Variants in EVC2 observed in about 807,000 individuals in gnomAD.
EVC2 encodes the protein EvC ciliary complex subunit 2.
EVC2 carries 148 observed loss-of-function variants against 149.3 expected under a neutral mutation model. The ratio of observed to expected loss-of-function variants is 0.99; its 90% CI spans 0.87 to 1.14. The LOEUF is 1.14. EVC2 is among the 50% of genes most tolerant of loss of function. The pLI, the probability that EVC2 is intolerant of heterozygous loss-of-function variation, is 0.00. For synonymous variants in EVC2, 776 were observed against 649.9 expected, an observed-to-expected ratio of 1.19 and a Z score of -2.95; for missense variants, 1,854 against 1,627.3, an observed-to-expected ratio of 1.14 and a Z score of -2.40.
intron 12 of EVC2, among the ~76,000 whole-genome samples, chr4:5,627,231 G>A (rs977245035): frequency 1.3e-5 from 2 of 152,136 alleles, no homozygotes; most frequent in Admixed American, 1.3e-4. Flanking sequence ...ACAGGTGAAG[G>A]AATCAGTAGT....
intron 9 of EVC2, among the ~76,000 whole-genome samples, chr4:5,641,807 T>C (rs558226329): frequency 1.4e-4 from 22 of 152,244 alleles, no homozygotes; most frequent in Non-Finnish European, 2.9e-4. Flanking sequence ...AGTTCTGGGA[T>C]ACATGTGCTG....
At chr4:5,654,839 T>C (rs974136811) in intron 9 of EVC2, among the ~76,000 whole-genome samples, 6 of 152,148 alleles carry the variant, frequency 3.9e-5, no homozygotes, top group Non-Finnish European at 8.8e-5. Context: ...GAGAAACATG[T>C]TGAGTGTCAC....
chr4:5,652,831 C>T (rs753137880), intron 9 of EVC2, among the ~76,000 whole-genome samples: 2 of 152,176 alleles, frequency 1.3e-5, no homozygotes, highest in Non-Finnish European at 2.9e-5. Flanking sequence ...CTCTCAGGTC[C>T]TGGTTCAGAA....
chr4:5,584,610 C>T lies in EVC2; in HGVS notation c.3057+13G>A, dbSNP rs770915834. The stretch of plus-strand genomic sequence containing the variant: ...AGCTCTGTCCCCCTCTCCTTCCCAG[C>T]GCCTGCACTCACCCGGCTGTGCGAC... On this transcript the variant is annotated intron_variant, in intron 17 of 21. Transcript: ENST00000344408. 1.1e-5 allele frequency: 18 copies of T among 1,609,966 alleles called. No individual in the cohort carries two copies. Among genetic ancestry groups the T allele is most frequent in the Middle Eastern group, 1.7e-4 (1 of 5,768 alleles).
chr4:5,630,520 G>C (rs1164759007), intron 11 of EVC2, among the ~76,000 whole-genome samples: 2 of 152,140 alleles, frequency 1.3e-5, no homozygotes, highest in Admixed American at 6.5e-5. Flanking sequence ...CACAAGTAGG[G>C]AATTTCAAGG....
intron 16 of EVC2, among the ~76,000 whole-genome samples, chr4:5,589,160 G>A (rs903917633): frequency 1.3e-5 from 2 of 152,240 alleles, no homozygotes; most frequent in African/African-American, 2.4e-5. Context: ...ATGCAGTTAA[G>A]CTACTTGGAA....
intron 10 of EVC2, among the ~76,000 whole-genome samples, chr4:5,632,554 A>G (rs73794682): frequency 0.063 from 9,579 of 152,278 alleles, 976 homozygotes; most frequent in African/African-American, 0.21. Context: ...TCTCTTCACT[A>G]TCAGTGGGTC....
At chr4:5,585,421 C>T (rs933638125) in intron 16 of EVC2, among the ~76,000 whole-genome samples, 4 of 152,212 alleles carry the variant, frequency 2.6e-5, no homozygotes, top group African/African-American at 4.8e-5. Context: ...TCCACGGAAG[C>T]GGTCTCACTT....
Position 5,663,107 on chromosome 4 carries a change from T to G in EVC2, c.1145A>C (p.Glu382Ala). 1 of 1,614,142 alleles carries G rather than the reference T, an allele frequency of 6.2e-7. No homozygotes were observed. Among genetic ancestry groups the G allele is most frequent in the Non-Finnish European group, 8.5e-7 (1 of 1,179,986 alleles). ...GTATAATGGGATTTAGAATTCTTAC[T>G]CTTCTAAGGCTTGAAGCATGCTCCC... is the stretch of plus-strand genomic sequence containing the variant. ...DPGSMLQALE[E>A]LEIATLNRAD... The change falls in exon 9 of 22, where the codon GAG (glutamate) becomes GCG (alanine). Residue 382 changes from glutamate to alanine, a missense_variant and splice_region_variant. Physicochemically the swap from Glu to Ala is moderately radical, Grantham distance 107. Transcript: ENST00000344408.
At chr4:5,548,417 A>C (rs1418678506) in intron 21 of EVC2, among the ~76,000 whole-genome samples, 1 of 150,262 alleles carries the variant, frequency 6.7e-6, no homozygotes, top group Non-Finnish European at 1.5e-5. Context: ...CCAAGCAGAA[A>C]GATGGCATTG....
intron 16 of EVC2, among the ~76,000 whole-genome samples, chr4:5,598,102 A>G (rs1012354809): frequency 1.2e-4 from 18 of 150,066 alleles, no homozygotes; most frequent in African/African-American, 4.1e-4. Context: ...TTCCATGCTC[A>G]TGGGTAGGAA....
chr4:5,665,682 G>A (rs895876458), intron 7 of EVC2, 33 bp from the exon 8 acceptor site: 5 of 1,612,006 alleles, frequency 3.1e-6, no homozygotes, highest in Admixed American at 3.3e-5. Context: ...GGATTCATGT[G>A]TGGTCAGACA....
chr4:5,562,078 T>G (rs920643714), downstream of EVC2, among the ~76,000 whole-genome samples: 6 of 152,190 alleles, frequency 3.9e-5, no homozygotes, highest in Non-Finnish European at 5.9e-5. This position sits in a 1 kb window ranked among gnomAD's most constrained non-coding sequence, Gnocchi z 4.3. Context: ...AGCACTTGTA[T>G]GGAGTCTGTT....
intron 19 of EVC2, among the ~76,000 whole-genome samples, chr4:5,572,238 T>G (rs565921122): frequency 6.6e-6 from 1 of 152,272 alleles, no homozygotes; most frequent in Admixed American, 6.5e-5. Context: ...TGCCCAGAGC[T>G]TCCGGTCTGG....
rs1560173744 is a variant in EVC2 at position 5,623,833 on chromosome 4, ATGGG to A, written c.2047-846_2047-843del. ...GCGCCTCCATTTCCCTATCTGTAAA[ATGGG>A]GATAATAATAGGACCTCCCTTTCAG... On this transcript the variant is annotated intron_variant, in intron 13 of 21. Coordinates refer to ENST00000344408, the MANE Select transcript of EVC2 (RefSeq NM_147127.5). 3.3e-5 allele frequency among the ~76,000 whole-genome samples: 5 copies of A among 152,312 alleles called. No homozygotes were observed. The East Asian group carries it at 9.6e-4, about 29-fold the overall frequency.
chr4:5,634,066 G>A (rs370703031), intron 10 of EVC2, among the ~76,000 whole-genome samples: 1 of 152,240 alleles, frequency 6.6e-6, no homozygotes, highest in South Asian at 2.1e-4. Context: ...AAGCCTAGTG[G>A]ATGACAGCAG....
chr4:5,557,545 C>A (rs928931375), downstream of EVC2, among the ~76,000 whole-genome samples: 1 of 152,062 alleles, frequency 6.6e-6, no homozygotes, highest in African/African-American at 2.4e-5. Context: ...ATATGGGAAT[C>A]CTAGCTAGTG....
rs74648101 is a variant in EVC2, at chr4:5,680,162, C to A, written c.870+1098G>T. Among the ~76,000 whole-genome samples the A allele has an allele frequency of 3.8e-3, 572 of 152,240 alleles. 1 individual carries two copies. Among genetic ancestry groups the A allele is most frequent in the African/African-American group, 0.013 (557 of 41,534 alleles). ...CTAGAATCCCTCCTGACGGACCTGC[C>A]TGAGGCTGATTTATAGGTAAGCTTA... On this transcript the variant is annotated intron_variant, in intron 7 of 21. Transcript: ENST00000344408.
intron 16 of EVC2, among the ~76,000 whole-genome samples, chr4:5,590,392 A>G (rs1712681239): frequency 6.6e-6 from 1 of 152,188 alleles, no homozygotes; most frequent in Non-Finnish European, 1.5e-5. Flanking sequence ...GAGACCCCAG[A>G]AAAACCTTGG....
Sources: gnomAD v4.1 joint callset for allele counts (sites outside exome capture counted in the v4.1 genomes callset) on GRCh38, gnomAD v4.1.1 for gene constraint, Gnocchi (gnomAD v3.1) non-coding constraint, MANE v1.5 for transcripts, NCBI Gene and HGNC (gene_info 2026-07-23, HGNC 2026-07-21) for gene names.